Variants in CMSS1 observed in about 807,000 individuals in gnomAD.
CMSS1 encodes cms1 ribosomal small subunit homolog, also known as protein CMSS1.
In CMSS1, 33 loss-of-function variants were observed where a neutral mutation model predicts 43.5. The observed-to-expected ratio is 0.76, with a 90% CI of 0.57 to 1.01. CMSS1 has a LOEUF of 1.01. CMSS1 is among the 50% of genes least tolerant of loss of function. CMSS1 has a pLI of 0.00. For missense variants in CMSS1, 313 were observed against 326.4 expected (o/e 0.96, Z 0.32); for synonymous variants, 115 against 117.2 (o/e 0.98, Z 0.12).
At chr3:99,921,297 T>C (rs1257210628) in intron 1 of CMSS1, among the ~76,000 whole-genome samples, 3 of 152,192 alleles carry the variant, frequency 2.0e-5, no homozygotes, top group Non-Finnish European at 4.4e-5. Context: ...CCTGAAGTCA[T>C]TAGTTTCCCC....
intron 1 of CMSS1, among the ~76,000 whole-genome samples, chr3:100,083,697 G>A (rs1275047851): frequency 6.6e-6 from 1 of 152,130 alleles, no homozygotes; most frequent in East Asian, 1.9e-4. Context: ...ACTAAATTGT[G>A]TTTTCAACTT....
chr3:99,934,710 A>G (rs950704612), intron 1 of CMSS1, among the ~76,000 whole-genome samples: 4 of 152,242 alleles, frequency 2.6e-5, no homozygotes, highest in Non-Finnish European at 5.9e-5. Context: ...AGCTCTGTAT[A>G]CATTCTAGCT....
intron 8 of CMSS1, among the ~76,000 whole-genome samples, chr3:100,174,738 G>A (rs760327328): frequency 4.7e-4 from 71 of 152,202 alleles, no homozygotes; most frequent in Non-Finnish European, 9.3e-4. Context: ...TGATATATAA[G>A]GAGAGTTTTC....
chr3:99,819,761 T>C (rs1407014855), intron 1 of CMSS1, among the ~76,000 whole-genome samples: 1 of 150,982 alleles, frequency 6.6e-6, no homozygotes, highest in East Asian at 1.9e-4. Flanking sequence ...TTTTTTCTTT[T>C]TTTTTTTTTT....
intron 1 of CMSS1, among the ~76,000 whole-genome samples, chr3:99,837,208 C>T (rs1382390660): frequency 2.0e-5 from 3 of 152,088 alleles, no homozygotes; most frequent in South Asian, 4.1e-4. Context: ...CAGCATGATC[C>T]GTACTCACTG....
At position 99,909,938 on chromosome 3, in the gene CMSS1, TCA is replaced by T. The variant is rs1706740879; in HGVS notation, c.64+91896_64+91897del. Among the ~76,000 whole-genome samples the T allele has an allele frequency of 5.1e-5, 7 of 138,564 alleles. 1 individual carries two copies. Among genetic ancestry groups the T allele is most frequent in the Non-Finnish European group, 8.3e-5 (5 of 60,324 alleles). The allele number at this position is 138,564 out of a possible 152,430, so 90.9% of individuals were successfully genotyped here. ...TTATCATTGTCAACAAGAGCTGTTG[TCA>T]TCTGACCAAAATGAGTGAGAAATTT... On this transcript the variant is annotated intron_variant, in intron 1 of 9. Coordinates refer to ENST00000421999, the MANE Select transcript of CMSS1 (RefSeq NM_032359.4).
intron 1 of CMSS1, among the ~76,000 whole-genome samples, chr3:99,842,521 G>T (rs1361058465): frequency 7.4e-6 from 1 of 134,618 alleles, no homozygotes; most frequent in Non-Finnish European, 1.6e-5. Flanking sequence ...AAAAAAAAAA[G>T]ATGGTCTCAG....
At chr3:99,998,621 G>A (rs1398476346) in intron 1 of CMSS1, among the ~76,000 whole-genome samples, 2 of 152,208 alleles carry the variant, frequency 1.3e-5, no homozygotes, top group Non-Finnish European at 2.9e-5. Flanking sequence ...GGAGTGCAGT[G>A]GTGCGATCTC....
intron 1 of CMSS1, among the ~76,000 whole-genome samples, chr3:99,820,517 G>T (rs1170376242): frequency 1.3e-5 from 2 of 152,194 alleles, no homozygotes; most frequent in African/African-American, 4.8e-5. Context: ...TTTGAAAATT[G>T]CTGGCATTAA....
chr3:99,983,451 T>TAC (rs1709212579), intron 1 of CMSS1, among the ~76,000 whole-genome samples: 2 of 7,854 alleles, frequency 2.5e-4, no homozygotes, highest in Non-Finnish European at 4.5e-4. Flanking sequence ...TGTATGTATA[T>TAC]ATATATATGT....
At chr3:99,920,506 G>T (rs1003960549) in intron 1 of CMSS1, among the ~76,000 whole-genome samples, 2 of 152,170 alleles carry the variant, frequency 1.3e-5, no homozygotes, top group African/African-American at 4.8e-5. Context: ...GGTCATTGGT[G>T]ACACACGTAT....
intron 1 of CMSS1, among the ~76,000 whole-genome samples, chr3:100,143,704 C>T (rs889586226): frequency 6.6e-6 from 1 of 152,102 alleles, no homozygotes; most frequent in Non-Finnish European, 1.5e-5. Context: ...CTAGTTTTTA[C>T]TTTGCATGCT....
chr3:100,148,908 A>T (rs1477882813), intron 2 of CMSS1, among the ~76,000 whole-genome samples: 1 of 151,992 alleles, frequency 6.6e-6, no homozygotes, highest in African/African-American at 2.4e-5. Flanking sequence ...AGTTTCAATC[A>T]TTCTTCTGGA....
chr3:99,840,869 A>G (rs1356376953), intron 1 of CMSS1, among the ~76,000 whole-genome samples: 2 of 152,304 alleles, frequency 1.3e-5, no homozygotes, highest in Non-Finnish European at 2.9e-5. Flanking sequence ...CCTTCCCCCA[A>G]TCTTTTCACT....
chr3:100,035,432 C>A (rs529689286), intron 1 of CMSS1, among the ~76,000 whole-genome samples: 1 of 152,262 alleles, frequency 6.6e-6, no homozygotes, highest in South Asian at 2.1e-4. Flanking sequence ...TGCCACCACG[C>A]CCAGCTAATT....
chr3:99,848,575 A>G, intron 1 of CMSS1: 1 of 1,613,808 alleles, frequency 6.2e-7, no homozygotes, highest in South Asian at 1.1e-5. Flanking sequence ...GTCTGGGGAG[A>G]CTCTGAATAT....
chr3:99,948,747 AAG>A (rs1486647392), intron 1 of CMSS1, among the ~76,000 whole-genome samples: 1 of 151,794 alleles, frequency 6.6e-6, no homozygotes, highest in African/African-American at 2.4e-5. Context: ...GAAAGGAAAA[AAG>A]AGGAAAAGGA....
intron 1 of CMSS1, chr3:99,851,046 T>A (rs779971703): frequency 1.3e-6 from 2 of 1,594,080 alleles, no homozygotes; most frequent in East Asian, 2.2e-5. Context: ...GAGACTTGAT[T>A]TCTTGATCAA....
chr3:99,867,851 T>G (rs996195595), intron 1 of CMSS1, among the ~76,000 whole-genome samples: 5 of 152,162 alleles, frequency 3.3e-5, no homozygotes, highest in African/African-American at 1.2e-4. Flanking sequence ...GGATTCAGAT[T>G]TATTTGAGTC....
Sources: allele counts gnomAD v4.1 joint callset (sites outside exome capture counted in the v4.1 genomes callset), GRCh38; gene constraint gnomAD v4.1.1; transcripts MANE v1.5; gene names NCBI Gene and HGNC (gene_info 2026-07-23, HGNC 2026-07-21).